The following LARGE1 variants were observed in gnomAD, a reference collection of about 807,000 sequenced individuals.
LARGE1 encodes the protein LARGE xylosyl- and glucuronyltransferase 1.
A neutral mutation model predicts 87.6 loss-of-function variants in LARGE1; 43 were observed. The ratio of observed to expected loss-of-function variants is 0.49; its 90% CI spans 0.38 to 0.63. The LOEUF is 0.63. Among genes scored for constraint, LARGE1 ranks in the 30% least tolerant of loss-of-function variants. The probability of loss-of-function intolerance (pLI) is 0.00; values close to 1 mark genes in which losing one functional copy is unlikely to be tolerated. For synonymous variants in LARGE1, 434 were observed against 394.6 expected (o/e 1.10, Z -1.18); for missense variants, 802 against 1,000.2 (o/e 0.80, Z 2.67).
chr22:33,523,367 TTC>T (rs2071712631), intron 6 of LARGE1, among the ~76,000 whole-genome samples: 1 of 152,136 alleles, frequency 6.6e-6, no homozygotes, highest in South Asian at 2.1e-4. Context: ...CAGAAGTTGC[TTC>T]TCTTTCTGTG....
rs763782820 is a variant in LARGE1, at chr22:33,304,402, G to A, written c.1557C>T (p.Gly519=). The A allele has an allele frequency of 2.0e-5, 32 of 1,614,164 alleles. No homozygotes were observed. Among genetic ancestry groups the A allele is most frequent in the East Asian group, 2.2e-5 (1 of 44,904 alleles). The change falls in exon 12 of 15, where the codon GGC becomes GGT. Residue 519 remains glycine, a synonymous_variant. Coordinates refer to ENST00000397394, the MANE Select transcript of LARGE1 (RefSeq NM_133642.5). ...EAQQFLRYAQ[G]SEVLMSRHNV... The stretch of plus-strand genomic sequence containing the variant: ...TGTGGCGGCTCATAAGCACCTCAGA[G>A]CCCTGTGCGTAGCGGAGGAACTGCT...
At chr22:33,414,187 G>T (rs888065602) in intron 7 of LARGE1, among the ~76,000 whole-genome samples, 2 of 152,012 alleles carry the variant, frequency 1.3e-5, no homozygotes, top group African/African-American at 4.8e-5. Flanking sequence ...GTTCCATTAC[G>T]CCAAGTGAAA....
chr22:33,468,144 T>G (rs879308016), intron 6 of LARGE1, among the ~76,000 whole-genome samples: 1 of 152,150 alleles, frequency 6.6e-6, no homozygotes, highest in Non-Finnish European at 1.5e-5. Context: ...TGGTCTCTGT[T>G]TTGATCTTGT....
chr22:33,243,426 C>T (rs1010818508), intron 11 of LARGE1, among the ~76,000 whole-genome samples: 1 of 152,186 alleles, frequency 6.6e-6, no homozygotes, highest in African/African-American at 2.4e-5. Context: ...CTGACAACCA[C>T]TTATTTGATT....
intron 13 of LARGE1, among the ~76,000 whole-genome samples, chr22:33,278,695 C>T (rs982810545): frequency 6.6e-6 from 1 of 152,044 alleles, no homozygotes; most frequent in African/African-American, 2.4e-5. Flanking sequence ...GGCCAGGAGC[C>T]TCCTTAAGCA....
At chr22:33,460,515 C>T (rs139431112) in intron 6 of LARGE1, among the ~76,000 whole-genome samples, 1 of 152,190 alleles carries the variant, frequency 6.6e-6, no homozygotes, top group Non-Finnish European at 1.5e-5. Context: ...TATGCACATA[C>T]ATGCATTTAT....
the LARGE1 span, among the ~76,000 whole-genome samples, chr22:33,133,827 CCTCT>C: frequency 0.33 from 49,303 of 151,668 alleles, 8,160 homozygotes; most frequent in South Asian, 0.46. Context: ...TTTTCCACAA[CCTCT>C]CTCTCCAGCA....
chr22:33,907,604 A>G (rs1446574165), intron 1 of LARGE1, among the ~76,000 whole-genome samples: 2 of 149,806 alleles, frequency 1.3e-5, no homozygotes, highest in African/African-American at 4.9e-5. Flanking sequence ...TCGCTCTGTC[A>G]CCCAGGCTGG....
intron 1 of LARGE1, among the ~76,000 whole-genome samples, chr22:33,812,626 C>T (rs2086532226): frequency 2.0e-5 from 3 of 152,242 alleles, no homozygotes; most frequent in Non-Finnish European, 4.4e-5. Flanking sequence ...ACCAGGCCAT[C>T]CTGTCCATCT....
chr22:33,428,583 G>C (rs1337281566), intron 7 of LARGE1, among the ~76,000 whole-genome samples: 2 of 148,108 alleles, frequency 1.4e-5, no homozygotes, highest in Non-Finnish European at 3.0e-5. Flanking sequence ...AAAGTGCTGA[G>C]ATTACAGGCG....
At chr22:33,216,913 G>A (rs1276692069) in intron 11 of LARGE1, among the ~76,000 whole-genome samples, 2 of 152,178 alleles carry the variant, frequency 1.3e-5, no homozygotes, top group East Asian at 1.9e-4. Flanking sequence ...GGAAAATGGA[G>A]CATTTGCTGC....
chr22:33,911,035 T>C (rs1235075011), intron 1 of LARGE1, among the ~76,000 whole-genome samples: 3 of 151,804 alleles, frequency 2.0e-5, no homozygotes, highest in Admixed American at 6.6e-5. Flanking sequence ...AGTGGGAGAG[T>C]GAGCACATCC....
chr22:33,871,869 T>A lies in LARGE1; in HGVS notation c.-83+48126A>T, dbSNP rs1363223880. On this transcript the variant is annotated intron_variant, in intron 1 of 14. Coordinates refer to ENST00000397394, the MANE Select transcript of LARGE1 (RefSeq NM_133642.5). ...ATTGATGACCTTCAGAAAAAAAAAA[T>A]TTAAGGTCAGAGGCTTGAAGAACTA... 8.0e-5 allele frequency among the ~76,000 whole-genome samples: 12 copies of A among 150,564 alleles called. 1 individual carries two copies. In the South Asian group the frequency reaches 1.3e-3, roughly 16 times the overall value.
At chr22:33,271,729 C>G (rs777583954), downstream of LARGE1, among the ~76,000 whole-genome samples, 2 of 152,230 alleles carry the variant, frequency 1.3e-5, no homozygotes, top group Non-Finnish European at 2.9e-5. Flanking sequence ...CTGCTGCTCC[C>G]AGTGTAAGTT....
chr22:33,260,960 C>A (rs1373785921), intron 11 of LARGE1, among the ~76,000 whole-genome samples: 2 of 152,134 alleles, frequency 1.3e-5, no homozygotes, highest in African/African-American at 4.8e-5. Context: ...CACATCCCCA[C>A]CCCAGAAATG....
At chr22:33,416,174 G>A (rs1209264858) in intron 7 of LARGE1, among the ~76,000 whole-genome samples, 1 of 152,212 alleles carries the variant, frequency 6.6e-6, no homozygotes, top group Admixed American at 6.5e-5. Context: ...CATTCAGCTA[G>A]TCAAGGGTGA....
intron 2 of LARGE1, among the ~76,000 whole-genome samples, chr22:33,726,578 C>T (rs1224065050): frequency 2.0e-5 from 3 of 152,228 alleles, no homozygotes; most frequent in Non-Finnish European, 4.4e-5. Context: ...ATATACTCCT[C>T]CCCTCCTCCT....
At chr22:33,482,165 T>C (rs889307865) in intron 6 of LARGE1, among the ~76,000 whole-genome samples, 1 of 152,202 alleles carries the variant, frequency 6.6e-6, no homozygotes, top group African/African-American at 2.4e-5. Flanking sequence ...AATTATTTGG[T>C]TTGAGGTCAA....
intron 2 of LARGE1, among the ~76,000 whole-genome samples, chr22:33,659,898 G>T (rs73882286): frequency 6.6e-6 from 1 of 152,052 alleles, no homozygotes; most frequent in South Asian, 2.1e-4. Context: ...AAGAACGTTA[G>T]CTTAAAGAGC....
Sources: allele counts gnomAD v4.1 joint callset (sites outside exome capture counted in the v4.1 genomes callset), GRCh38; gene constraint gnomAD v4.1.1; transcripts MANE v1.5; gene names NCBI Gene and HGNC (gene_info 2026-07-23, HGNC 2026-07-21).